SCLT1: variants seen among roughly 807,000 people sequenced by gnomAD.
SCLT1 encodes the protein sodium channel and clathrin linker 1, also known as sodium channel-associated protein 1.
SCLT1 carries 78 observed loss-of-function variants against 112.8 expected under a neutral mutation model. The ratio of observed to expected loss-of-function variants is 0.69; its 90% confidence interval spans 0.58 to 0.83. SCLT1 has a LOEUF of 0.83. Among genes scored for constraint, SCLT1 ranks in the 40% least tolerant of loss-of-function variants. SCLT1 has a pLI of 0.00. For missense variants in SCLT1, 747 were observed against 770.4 expected (o/e 0.97, Z 0.36); for synonymous variants, 257 against 254.7 (o/e 1.01, Z -0.09).
chr4:128,992,325 A>C lies in SCLT1; in HGVS notation c.616-88T>G, dbSNP rs568317874. On this transcript the variant is annotated intron_variant, in intron 8 of 20. Coordinates refer to ENST00000281142, the MANE Select transcript of SCLT1 (RefSeq NM_144643.4). ...CACATCAGACATACAAGTAGAAAAA[A>C]AGTTTAGTGAGATTTATGATAAAGA... 6.3e-6 allele frequency: 5 copies of C among 787,858 alleles called. No homozygotes were observed. In the South Asian group the frequency reaches 9.0e-5, roughly 14 times the overall value. 48.8% of individuals were successfully genotyped at this position (787,858 alleles called of 1,614,324 possible).
intron 9 of SCLT1, among the ~76,000 whole-genome samples, chr4:128,978,948 A>T (rs570354893): frequency 1.3e-5 from 2 of 152,308 alleles, no homozygotes; most frequent in African/African-American, 4.8e-5. Context: ...TTACAGCAGC[A>T]ACAACAAAAG....
Position 129,003,794 on chromosome 4 carries a change from CATAT to C in SCLT1, c.369_372del (p.Ile123MetfsTer16). ...AGGTTTCTGACTGTTTCATCATCTGCATATATGTCAGTTCCTACCTCTGTGCCCA... is the reference window on the plus strand; with the variant it reads ...AGGTTTCTGACTGTTTCATCATCTGCATGTCAGTTCCTACCTCTGTGCCCA... On this transcript the variant is annotated frameshift_variant, in exon 6 of 21. Coordinates refer to ENST00000281142, the MANE Select transcript of SCLT1 (RefSeq NM_144643.4). LOFTEE classifies it high-confidence loss of function. 6.2e-7 allele frequency: 1 copy of C among 1,611,944 alleles called. No homozygotes were observed. The highest frequency in any genetic ancestry group is 8.5e-7 in the Non-Finnish European group (1 of 1,178,798).
intron 9 of SCLT1, among the ~76,000 whole-genome samples, chr4:128,991,181 C>G: frequency 6.6e-6 from 1 of 151,966 alleles, no homozygotes; most frequent in Non-Finnish European, 1.5e-5. Flanking sequence ...TCAAATTATA[C>G]TACAAATGTA....
rs2126080875 is a variant in SCLT1 at position 128,999,016 on chromosome 4, A to G, written c.549+656T>C. Among the ~76,000 whole-genome samples, 2 of 152,098 alleles carry G rather than the reference A, an allele frequency of 1.3e-5. 1 individual carries two copies. Among genetic ancestry groups the G allele is most frequent in the South Asian group, 4.1e-4 (2 of 4,832 alleles). On this transcript the variant is annotated intron_variant, in intron 7 of 20. Transcript: ENST00000281142. The stretch of plus-strand genomic sequence containing the variant: ...AAAAGAACCAACAGAAGAATAAAAG[A>G]GGTAGATTTCCAAATGGAATAGATG...
At position 129,043,469 on chromosome 4, in the gene SCLT1, TAA is replaced by T; in HGVS notation, c.162-4_162-3del. ...TCAGTAACAAGAGGAGCTAAAAAGC[TAA>T]AAAAAGACAATAAAAATATAGCATA... On this transcript the variant is annotated splice_region_variant and splice_polypyrimidine_tract_variant and intron_variant, in intron 3 of 20. Transcript: ENST00000281142. The T allele has an allele frequency of 7.1e-7, 1 of 1,415,136 alleles. No homozygotes were observed. The highest frequency in any genetic ancestry group is 9.8e-7 in the Non-Finnish European group (1 of 1,018,452). 87.7% of individuals were successfully genotyped at this position (1,415,136 alleles called of 1,614,324 possible).
rs535707184 is a variant in SCLT1, at chr4:129,015,369, G to C, written c.291-11493C>G. Among the ~76,000 whole-genome samples the C allele has an allele frequency of 7.9e-5, 12 of 152,182 alleles. 1 individual carries two copies. The highest frequency in any genetic ancestry group is 2.6e-4 in the African/African-American group (11 of 41,510). On this transcript the variant is annotated intron_variant, in intron 5 of 20. Transcript: ENST00000281142. The stretch of plus-strand genomic sequence containing the variant: ...TCCACTAGCACACAAGCTATGATGT[G>C]GCTCCCAGGGCACCTGAGGCTGTTC...
chr4:129,058,876 C>T (rs1277459662), intron 2 of SCLT1, among the ~76,000 whole-genome samples: 1 of 152,102 alleles, frequency 6.6e-6, no homozygotes, highest in African/African-American at 2.4e-5. Context: ...TATATTTATT[C>T]TTGATCACAG....
chr4:129,082,049 G>A (rs1751986670), intron 2 of SCLT1, among the ~76,000 whole-genome samples: 2 of 152,170 alleles, frequency 1.3e-5, no homozygotes, highest in South Asian at 4.1e-4. Context: ...GAGGTATATT[G>A]AGAAACAATT....
intron 5 of SCLT1, among the ~76,000 whole-genome samples, chr4:129,011,968 T>G (rs1304147199): frequency 6.6e-6 from 1 of 151,822 alleles, no homozygotes; most frequent in African/African-American, 2.4e-5. Flanking sequence ...TTTATTAATT[T>G]TTCCAAAAAA....
chr4:128,972,037 AT>A (rs1740735494), intron 9 of SCLT1: 2 of 151,788 alleles, frequency 1.3e-5, no homozygotes, highest in South Asian at 4.1e-4. Context: ...AAAAAAAAAA[AT>A]CAAACAAAAA....
chr4:129,055,831 AC>A (rs755495637), intron 2 of SCLT1, among the ~76,000 whole-genome samples: 4 of 146,446 alleles, frequency 2.7e-5, no homozygotes, highest in East Asian at 2.0e-4. Context: ...AAAAAAAAAA[AC>A]AAAAACAAAC....
At chr4:129,014,222 C>T (rs189372065) in intron 5 of SCLT1, among the ~76,000 whole-genome samples, 5 of 152,184 alleles carry the variant, frequency 3.3e-5, no homozygotes, top group Admixed American at 2.0e-4. Flanking sequence ...GTTTTATCAT[C>T]GTTCTTAGCT....
intron 2 of SCLT1, among the ~76,000 whole-genome samples, chr4:129,050,275 T>C (rs1196016739): frequency 2.0e-5 from 3 of 152,236 alleles, no homozygotes; most frequent in Non-Finnish European, 4.4e-5. Flanking sequence ...CTGGGTCAAA[T>C]GGAATTTCTG....
chr4:129,088,685 G>A (rs1189311170), intron 1 of SCLT1, among the ~76,000 whole-genome samples: 2 of 152,126 alleles, frequency 1.3e-5, no homozygotes, highest in Admixed American at 6.6e-5. Flanking sequence ...ATTAAAGAAC[G>A]TTATTTCTCA....
In SCLT1 at chr4:128,896,636, C is replaced by T. The variant is rs553150089; in HGVS notation, c.1830-5499G>A. On this transcript the variant is annotated intron_variant, in intron 18 of 20. Coordinates refer to ENST00000281142, the MANE Select transcript of SCLT1 (RefSeq NM_144643.4). The stretch of plus-strand genomic sequence containing the variant: ...GAGTGCCTCTTCTCCTCCAAAGGAA[C>T]GCAGCTCCTCACCAGCAATGGAACA... Among the ~76,000 whole-genome samples, 381 of 152,278 alleles carry T rather than the reference C, an allele frequency of 2.5e-3. 2 individuals are homozygous for T. The highest frequency in any genetic ancestry group is 4.3e-3 in the Non-Finnish European group (292 of 68,032).
intron 18 of SCLT1, among the ~76,000 whole-genome samples, chr4:128,894,852 A>C (rs1266077047): frequency 6.6e-6 from 1 of 151,962 alleles, no homozygotes; most frequent in African/African-American, 2.4e-5. Context: ...TAATTTTTGT[A>C]TTTTTAGTAG....
chr4:129,003,898 T>C, intron 5 of SCLT1, 22 bp from the exon 6 acceptor site: 12 of 1,606,092 alleles, frequency 7.5e-6, no homozygotes, highest in East Asian at 6.7e-5. Flanking sequence ...ATAGTTAACA[T>C]GATAGCCTCA....
intron 14 of SCLT1, 101 bp from the exon 15 acceptor site, chr4:128,948,671 C>T: frequency 2.4e-6 from 2 of 843,714 alleles, no homozygotes; most frequent in Non-Finnish European, 3.8e-6. Context: ...TCATAGTTAT[C>T]AACACAAGTT....
At chr4:129,028,662 C>A (rs1325925281) in intron 5 of SCLT1, among the ~76,000 whole-genome samples, 5 of 152,034 alleles carry the variant, frequency 3.3e-5, no homozygotes, top group South Asian at 2.1e-4. Context: ...GCAACAAAAG[C>A]CAAAATTGAC....
Sources: gnomAD v4.1 joint callset for allele counts (sites outside exome capture counted in the v4.1 genomes callset) on GRCh38, gnomAD v4.1.1 for gene constraint, MANE v1.5 for transcripts, NCBI Gene and HGNC (gene_info 2026-07-23, HGNC 2026-07-21) for gene names.